Variants in USP14 observed in about 807,000 individuals in gnomAD.
USP14 encodes ubiquitin carboxyl-terminal hydrolase 14.
In USP14, 38 loss-of-function variants were observed where a neutral mutation model predicts 76.5. The ratio of observed to expected loss-of-function variants is 0.50; its 90% CI spans 0.38 to 0.65. The LOEUF (loss-of-function observed/expected upper bound fraction) is 0.65. Ranked by LOEUF, USP14 falls within the 30% of genes least tolerant of loss-of-function variation. USP14 has a pLI of 0.00. For synonymous variants in USP14, 192 were observed against 191.7 expected, an observed-to-expected ratio of 1.00 and a Z score of -0.01; for missense variants, 467 against 586.5, an observed-to-expected ratio of 0.80 and a Z score of 2.10.
intron 10 of USP14, among the ~76,000 whole-genome samples, chr18:200,676 A>G (rs183157586): frequency 2.0e-5 from 3 of 152,338 alleles, no homozygotes; most frequent in African/African-American, 7.2e-5. Context: ...CTTTGGGGAT[A>G]TGTATATCTC....
rs1223532286 is a variant in USP14, at chr18:212,961, CTG to C, written c.*1680_*1681del. 4.6e-5 allele frequency: 7 copies of C among 152,194 alleles called. No homozygotes were observed. Among genetic ancestry groups the C allele is most frequent in the Non-Finnish European group, 7.3e-5 (5 of 68,028 alleles). The allele number at this position is 152,194 out of a possible 1,614,324, so 9.4% of individuals were successfully genotyped here. On this transcript the variant is annotated 3_prime_UTR_variant, in exon 16 of 16. Transcript: ENST00000261601. Reference sequence around the variant, plus strand: ...ACTTTCAAATCTGATGTGATGCAATCTGTGAACACTAGGAGGGGATAAAATAA... The same window carrying C: ...ACTTTCAAATCTGATGTGATGCAATCTGAACACTAGGAGGGGATAAAATAA...
At chr18:174,305 G>A (rs868455436) in intron 3 of USP14, among the ~76,000 whole-genome samples, 1 of 139,330 alleles carries the variant, frequency 7.2e-6, no homozygotes, top group South Asian at 2.2e-4. Flanking sequence ...TTGCTCTGAC[G>A]CCCAGGCTGG....
At chr18:178,574 A>G (rs1345291729) in intron 3 of USP14, among the ~76,000 whole-genome samples, 1 of 152,154 alleles carries the variant, frequency 6.6e-6, no homozygotes, top group East Asian at 1.9e-4. Flanking sequence ...TAGAAGTTTC[A>G]TCACGAAAAA....
chr18:209,060 A>G (rs1204907734), intron 13 of USP14, among the ~76,000 whole-genome samples: 1 of 151,460 alleles, frequency 6.6e-6, no homozygotes, highest in Non-Finnish European at 1.5e-5. Context: ...GGTATAGACT[A>G]TTTACATTTA....
chr18:191,429 A>C (rs1910085043), intron 5 of USP14, among the ~76,000 whole-genome samples: 1 of 152,196 alleles, frequency 6.6e-6, no homozygotes, highest in Admixed American at 6.5e-5. Context: ...ATTGAGATAT[A>C]ATTCACATCT....
chr18:171,300 G>T (rs1909456563), intron 3 of USP14, among the ~76,000 whole-genome samples: 1 of 151,994 alleles, frequency 6.6e-6, no homozygotes, highest in South Asian at 2.1e-4. Flanking sequence ...AGAAGTCAGT[G>T]CCTGGGTTCA....
intron 2 of USP14, among the ~76,000 whole-genome samples, chr18:164,713 C>T (rs1909221222): frequency 6.6e-6 from 1 of 152,172 alleles, no homozygotes. Flanking sequence ...CTTGGCCTCC[C>T]AGAGAGCTGG....
chr18:176,209 C>T (rs1217743462), intron 3 of USP14, among the ~76,000 whole-genome samples: 2 of 149,224 alleles, frequency 1.3e-5, no homozygotes, highest in African/African-American at 4.9e-5. Flanking sequence ...TATTTTTTCT[C>T]TTTGCTTTCT....
chr18:211,052 T>G (rs1276175234), intron 15 of USP14, 81 bp from the exon 16 acceptor site: 2 of 1,453,488 alleles, frequency 1.4e-6, no homozygotes, highest in African/African-American at 2.8e-5. Context: ...GTGCCTCCGA[T>G]GACTTGATAC....
rs186324880 is a variant in USP14 at position 180,517 on chromosome 18, C to T, written c.404+178C>T. Among the ~76,000 whole-genome samples, 698 of 152,310 alleles carry T rather than the reference C, an allele frequency of 4.6e-3. 5 individuals carry two copies. Among genetic ancestry groups the T allele is most frequent in the Non-Finnish European group, 7.7e-3 (521 of 68,026 alleles). ...AAGTTTGTGCAACCATCACCACCATCGATTTTAGGACATTTTCCGCCCCCT... is the reference window on the plus strand; with the variant it reads ...AAGTTTGTGCAACCATCACCACCATTGATTTTAGGACATTTTCCGCCCCCT... On this transcript the variant is annotated intron_variant, in intron 5 of 15. Coordinates refer to ENST00000261601, the MANE Select transcript of USP14 (RefSeq NM_005151.4).
chr18:196,905 C>A, intron 7 of USP14, 138 bp downstream of exon 7: 2 of 1,104,058 alleles, frequency 1.8e-6, no homozygotes, highest in South Asian at 1.6e-5. Flanking sequence ...TTGCCTGGAG[C>A]CGCACAGTAG....
chr18:182,253 T>C (rs9967051), intron 5 of USP14, among the ~76,000 whole-genome samples: 1,993 of 152,328 alleles, frequency 0.013, 41 homozygotes, highest in African/African-American at 0.045. Flanking sequence ...TTAAAAAATA[T>C]GTAACTTAAT....
chr18:181,519 G>A (rs1308069560), intron 5 of USP14, among the ~76,000 whole-genome samples: 1 of 151,708 alleles, frequency 6.6e-6, no homozygotes, highest in African/African-American at 2.4e-5. Flanking sequence ...GTTTTAATTG[G>A]GTTATTTGTC....
At chr18:203,425 A>G (rs1324802361) in intron 12 of USP14, among the ~76,000 whole-genome samples, 4 of 152,100 alleles carry the variant, frequency 2.6e-5, no homozygotes, top group Admixed American at 1.3e-4. Flanking sequence ...ACATCTGGGT[A>G]GGTCTTCGGT....
intron 13 of USP14, among the ~76,000 whole-genome samples, chr18:205,469 A>G (rs1225174853): frequency 2.6e-5 from 4 of 152,020 alleles, no homozygotes; most frequent in African/African-American, 9.7e-5. Context: ...CATTTCTATA[A>G]TTTTTGTCAT....
At chr18:176,500 T>G (rs2144229172) in intron 3 of USP14, among the ~76,000 whole-genome samples, 1 of 152,316 alleles carries the variant, frequency 6.6e-6, no homozygotes, top group South Asian at 2.1e-4. Flanking sequence ...GCTTACCTAG[T>G]TCATTAATTT....
chr18:166,912 C>A, intron 3 of USP14, 93 bp downstream of exon 3: 1 of 1,101,072 alleles, frequency 9.1e-7, no homozygotes, highest in Non-Finnish European at 1.3e-6. Context: ...TGTGTATATC[C>A]AGTTGTTCCA....
At chr18:172,575 G>T (rs1000445356) in intron 3 of USP14, among the ~76,000 whole-genome samples, 1 of 152,174 alleles carries the variant, frequency 6.6e-6, no homozygotes, top group African/African-American at 2.4e-5. Flanking sequence ...CAGCGTGGCA[G>T]GTTTCATTGT....
At position 212,224 on chromosome 18, in the gene USP14, G is replaced by T. The variant is rs1200793851; in HGVS notation, c.*940G>T. 1 of 152,220 alleles carries T rather than the reference G, an allele frequency of 6.6e-6. No homozygotes were observed. Among genetic ancestry groups the T allele is most frequent in the African/African-American group, 2.4e-5 (1 of 41,462 alleles). 9.4% of individuals were successfully genotyped at this position (152,220 alleles called of 1,614,324 possible). ...TAAAAAGAAATACAAAGTTGTAAAA[G>T]TAATGGATTTCTTTGGATGCTGAAT... is the stretch of plus-strand genomic sequence containing the variant. On this transcript the variant is annotated 3_prime_UTR_variant, in exon 16 of 16. Coordinates refer to ENST00000261601, the MANE Select transcript of USP14 (RefSeq NM_005151.4).
Sources: allele counts gnomAD v4.1 joint callset (sites outside exome capture counted in the v4.1 genomes callset), GRCh38; gene constraint gnomAD v4.1.1; transcripts MANE v1.5; gene names NCBI Gene and HGNC (gene_info 2026-07-23, HGNC 2026-07-21).